Variants in TAF3 observed in about 807,000 individuals in gnomAD.
The protein encoded by TAF3 is TATA-box binding protein associated factor 3.
TAF3 carries 7 observed loss-of-function variants against 80.6 expected under a neutral mutation model. That is an observed-to-expected ratio of 0.09 (90% CI 0.05 to 0.16). TAF3 has a LOEUF of 0.16. Among genes scored for constraint, TAF3 ranks in the 10% least tolerant of loss-of-function variants. TAF3 has a pLI of 1.00. For synonymous variants in TAF3, 444 were observed against 446.1 expected (o/e 1.00, Z 0.06); for missense variants, 921 against 1,140.2 (o/e 0.81, Z 2.77).
chr10:7,928,492 A>G (rs1372259580), intron 2 of TAF3, among the ~76,000 whole-genome samples: 1 of 152,150 alleles, frequency 6.6e-6, no homozygotes, highest in African/African-American at 2.4e-5. Context: ...GTTTTTATGA[A>G]TTTCCTAACT....
intron 2 of TAF3, among the ~76,000 whole-genome samples, chr10:7,869,263 GTGTGTGTGTGTC>G (rs1837243495): frequency 1.3e-5 from 2 of 151,780 alleles, no homozygotes; most frequent in South Asian, 4.2e-4. Context: ...GTGTGTGTCT[GTGTGTGTGTGTC>G]TGTGTGTGTG....
chr10:7,938,932 G>A (rs1160005067), intron 2 of TAF3, among the ~76,000 whole-genome samples: 2 of 152,154 alleles, frequency 1.3e-5, no homozygotes, highest in Non-Finnish European at 2.9e-5. Flanking sequence ...ACAATGATAG[G>A]AAGATACTAA....
intron 2 of TAF3, among the ~76,000 whole-genome samples, chr10:7,857,351 G>A (rs781736731): frequency 2.0e-5 from 3 of 152,140 alleles, no homozygotes; most frequent in Admixed American, 6.5e-5. Context: ...AGTTTTATCC[G>A]ATTAGCAAGT....
At chr10:7,883,093 C>G (rs1303436774) in intron 2 of TAF3, among the ~76,000 whole-genome samples, 2 of 152,158 alleles carry the variant, frequency 1.3e-5, no homozygotes, top group African/African-American at 4.8e-5. Context: ...TCATCCAATC[C>G]ACAAGCTACA....
chr10:7,831,385 G>A (rs1263027203), intron 2 of TAF3, among the ~76,000 whole-genome samples: 4 of 151,330 alleles, frequency 2.6e-5, no homozygotes, highest in East Asian at 1.9e-4. Flanking sequence ...TCACTCCATC[G>A]CCGAGGCTGG....
intron 2 of TAF3, among the ~76,000 whole-genome samples, chr10:7,849,757 G>T (rs1837008993): frequency 6.6e-6 from 1 of 151,234 alleles, no homozygotes; most frequent in Non-Finnish European, 1.5e-5. Flanking sequence ...TTGGCTCACT[G>T]CAACCCCCGC....
rs17143085 is a variant in TAF3, at chr10:7,906,218, A to G, written c.410-57702A>G. Among the ~76,000 whole-genome samples the G allele has an allele frequency of 1.5e-3, 230 of 152,256 alleles. 6 individuals carry two copies. The East Asian group carries it at 0.039, about 26-fold the overall frequency. Reference sequence around the variant, plus strand: ...ACTGAAGTTATAGTTTCAGTGTCTTATCTTTAATTTCAGTATTGGATGGTA... The same window carrying G: ...ACTGAAGTTATAGTTTCAGTGTCTTGTCTTTAATTTCAGTATTGGATGGTA... On this transcript the variant is annotated intron_variant, in intron 2 of 6. Coordinates refer to ENST00000344293, the MANE Select transcript of TAF3 (RefSeq NM_031923.4).
intron 4 of TAF3, among the ~76,000 whole-genome samples, chr10:7,999,777 C>T (rs969784326): frequency 3.9e-5 from 6 of 152,182 alleles, no homozygotes; most frequent in African/African-American, 7.2e-5. Flanking sequence ...ACTTTATGTA[C>T]GAAAATACCA....
chr10:7,949,643 C>T (rs1449288254), intron 2 of TAF3, among the ~76,000 whole-genome samples: 1 of 152,164 alleles, frequency 6.6e-6, no homozygotes, highest in Non-Finnish European at 1.5e-5. Context: ...TCCGTTGATC[C>T]TGAGATATCA....
chr10:7,876,744 G>A (rs1837316116), intron 2 of TAF3, among the ~76,000 whole-genome samples: 1 of 152,174 alleles, frequency 6.6e-6, no homozygotes, highest in South Asian at 2.1e-4. Flanking sequence ...CATAGCCAAA[G>A]TCATTATTTC....
intron 2 of TAF3, among the ~76,000 whole-genome samples, chr10:7,942,729 C>T (rs1351862075): frequency 6.6e-6 from 1 of 152,184 alleles, no homozygotes; most frequent in Non-Finnish European, 1.5e-5. Flanking sequence ...CCCAAGTGGG[C>T]AGCCGAGGCG....
At chr10:7,996,932 A>G (rs528577565) in intron 4 of TAF3, among the ~76,000 whole-genome samples, 3 of 150,834 alleles carry the variant, frequency 2.0e-5, no homozygotes, top group Non-Finnish European at 3.0e-5. Flanking sequence ...GAGCTCACAC[A>G]GTCTGCCTGC....
In TAF3 at chr10:7,949,282, C is replaced by T. The variant is rs992932557; in HGVS notation, c.410-14638C>T. On this transcript the variant is annotated intron_variant, in intron 2 of 6. Transcript: ENST00000344293. Reference sequence around the variant, plus strand: ...TGCTGCCTTAATAATAAAGCACAGCCGGAAATAAAGAGTGGGCTGCTTAGC... The same window carrying T: ...TGCTGCCTTAATAATAAAGCACAGCTGGAAATAAAGAGTGGGCTGCTTAGC... Among the ~76,000 whole-genome samples, 11 of 152,292 alleles carry T rather than the reference C, an allele frequency of 7.2e-5. No individual in the cohort carries two copies. In the South Asian group the frequency reaches 1.0e-3, roughly 14 times the overall value.
At chr10:7,865,863 G>A (rs1357550674) in intron 2 of TAF3, among the ~76,000 whole-genome samples, 1 of 151,830 alleles carries the variant, frequency 6.6e-6, no homozygotes, top group Non-Finnish European at 1.5e-5. Context: ...TAGCTGCTCC[G>A]TTTTATGTCT....
At chr10:7,928,257 A>G (rs953304003) in intron 2 of TAF3, among the ~76,000 whole-genome samples, 2 of 152,166 alleles carry the variant, frequency 1.3e-5, no homozygotes, top group African/African-American at 4.8e-5. Flanking sequence ...TGCCTGTTTA[A>G]CTCACTGCCG....
intron 2 of TAF3, among the ~76,000 whole-genome samples, chr10:7,907,136 A>G (rs758456389): frequency 1.4e-4 from 22 of 152,334 alleles, no homozygotes; most frequent in Non-Finnish European, 2.5e-4. Flanking sequence ...TCTGGCACAT[A>G]TGGAGTAGCA....
At chr10:7,988,923 A>G (rs954584493) in intron 4 of TAF3, among the ~76,000 whole-genome samples, 2 of 152,122 alleles carry the variant, frequency 1.3e-5, no homozygotes, top group Non-Finnish European at 2.9e-5. Flanking sequence ...TTATTTTTAT[A>G]TAAATATCAC....
chr10:7,991,170 C>T (rs1041030087), intron 4 of TAF3, among the ~76,000 whole-genome samples: 11 of 152,030 alleles, frequency 7.2e-5, no homozygotes, highest in African/African-American at 2.2e-4. Flanking sequence ...TAGATACATA[C>T]ATATATATGT....
intron 1 of TAF3, among the ~76,000 whole-genome samples, chr10:7,820,555 T>C (rs1469333513): frequency 6.6e-6 from 1 of 152,250 alleles, no homozygotes; most frequent in African/African-American, 2.4e-5. Context: ...AGTGCAGTGG[T>C]GCGATCTTAG....
Sources: gnomAD v4.1 joint callset for allele counts (sites outside exome capture counted in the v4.1 genomes callset) on GRCh38, gnomAD v4.1.1 for gene constraint, MANE v1.5 for transcripts, NCBI Gene and HGNC (gene_info 2026-07-23, HGNC 2026-07-21) for gene names.